The following LAMA2 variants were observed in gnomAD, a reference collection of about 807,000 sequenced individuals.
LAMA2 encodes the protein laminin subunit alpha 2.
Under a neutral mutation model 364.8 loss-of-function variants are expected in LAMA2, and 269 were observed. The observed-to-expected ratio is 0.74, with a 90% CI of 0.67 to 0.82. LAMA2 has a LOEUF of 0.82. Ranked by LOEUF, LAMA2 falls within the 40% of genes least tolerant of loss-of-function variation. The pLI is 0.00. For synonymous variants in LAMA2, 1,379 were observed against 1,370.6 expected (o/e 1.01, Z -0.14); for missense variants, 3,807 against 3,873.2 (o/e 0.98, Z 0.45).
At chr6:129,376,827 A>G (rs1292579661) in intron 34 of LAMA2, among the ~76,000 whole-genome samples, 1 of 152,222 alleles carries the variant, frequency 6.6e-6, no homozygotes, top group Non-Finnish European at 1.5e-5. Context: ...GTTTGTAGTT[A>G]TAAATTTATC....
Position 129,068,033 on chromosome 6 carries a change from AT to A in LAMA2, c.396+8144del, listed in dbSNP as rs537196949. ...TTGAATATTTATCTTTCTAAATGCA[AT>A]TTTTTTGTGCGTGGAGCTATTTGTT... On this transcript the variant is annotated intron_variant, in intron 3 of 64. Coordinates refer to ENST00000421865, the MANE Select transcript of LAMA2 (RefSeq NM_000426.4). 2.0e-5 allele frequency among the ~76,000 whole-genome samples: 3 copies of A among 152,080 alleles called. No individual in the cohort carries two copies. In the East Asian group the frequency reaches 5.8e-4, roughly 29 times the overall value.
At chr6:129,094,674 T>C (rs1775062777) in intron 3 of LAMA2, among the ~76,000 whole-genome samples, 1 of 152,214 alleles carries the variant, frequency 6.6e-6, no homozygotes, top group South Asian at 2.1e-4. Context: ...ATCTCTCTTT[T>C]TGTTTTATAT....
At chr6:129,115,563 A>C (rs146525120) in intron 4 of LAMA2, among the ~76,000 whole-genome samples, 1 of 152,116 alleles carries the variant, frequency 6.6e-6, no homozygotes, top group Non-Finnish European at 1.5e-5. Flanking sequence ...TAAATTCCTT[A>C]GGAAACACAA....
At chr6:129,392,507 C>T (rs1008545916) in intron 36 of LAMA2, among the ~76,000 whole-genome samples, 1 of 152,006 alleles carries the variant, frequency 6.6e-6, no homozygotes, top group Non-Finnish European at 1.5e-5. Context: ...CTTAATGACT[C>T]GAAAATTATC....
chr6:128,942,265 A>G (rs1221604379), intron 1 of LAMA2, among the ~76,000 whole-genome samples: 1 of 152,122 alleles, frequency 6.6e-6, no homozygotes, highest in African/African-American at 2.4e-5. Flanking sequence ...ACTTGAAAAA[A>G]AAATCTCTAT....
intron 35 of LAMA2, among the ~76,000 whole-genome samples, chr6:129,388,721 GA>G (rs1359358699): frequency 6.6e-6 from 1 of 151,690 alleles, no homozygotes; most frequent in Non-Finnish European, 1.5e-5. Flanking sequence ...ATTTAACAAA[GA>G]AAAAACATAC....
intron 12 of LAMA2, among the ~76,000 whole-genome samples, chr6:129,223,431 C>G (rs1451045098): frequency 1.3e-5 from 2 of 152,106 alleles, no homozygotes; most frequent in Admixed American, 6.6e-5. Context: ...CCTATGTCCT[C>G]AATGGTATTG....
At position 129,516,526 on chromosome 6, in the gene LAMA2, CAA is replaced by C. The variant is rs1787098252; in HGVS notation, c.*180_*181del. 1.7e-6 allele frequency: 1 copy of C among 584,842 alleles called. No homozygotes were observed. The highest frequency in any genetic ancestry group is 3.0e-6 in the Non-Finnish European group (1 of 336,216). The allele number at this position is 584,842 out of a possible 1,614,324, so 36.2% of individuals were successfully genotyped here. On this transcript the variant is annotated 3_prime_UTR_variant, in exon 65 of 65. Coordinates refer to ENST00000421865, the MANE Select transcript of LAMA2 (RefSeq NM_000426.4). The stretch of plus-strand genomic sequence containing the variant: ...CTGAATTTTAATTCAAGTTCTTTCT[CAA>C]GTCTATAAATAATATTAAACTGATT...
At chr6:129,156,423 A>G (rs67540753) in intron 8 of LAMA2, among the ~76,000 whole-genome samples, 33,349 of 151,604 alleles carry the variant, frequency 0.22, 4,206 homozygotes, top group African/African-American at 0.34. Context: ...TTTGCTTTGC[A>G]TGACTGTAAA....
At chr6:129,477,810 A>T (rs1784147358) in intron 53 of LAMA2, among the ~76,000 whole-genome samples, 1 of 152,108 alleles carries the variant, frequency 6.6e-6, no homozygotes, top group African/African-American at 2.4e-5. Flanking sequence ...TGAGACAGGG[A>T]TCTCACTCTG....
intron 3 of LAMA2, among the ~76,000 whole-genome samples, chr6:129,076,822 A>G (rs1773693771): frequency 6.6e-6 from 1 of 152,060 alleles, no homozygotes; most frequent in Non-Finnish European, 1.5e-5. Flanking sequence ...GTGGATTTTG[A>G]GTCAAATTTT....
rs193195850 is a variant in LAMA2, at chr6:129,189,529, G to A, written c.1468-676G>A. 2.0e-5 allele frequency among the ~76,000 whole-genome samples: 3 copies of A among 152,206 alleles called. No individual in the cohort carries two copies. The East Asian group carries it at 5.8e-4, about 29-fold the overall frequency. On this transcript the variant is annotated intron_variant, in intron 10 of 64. Coordinates refer to ENST00000421865, the MANE Select transcript of LAMA2 (RefSeq NM_000426.4). ...ATTAATGAAACCAGTCTGGAGAGCA[G>A]TCACAGAATGAGAATAGATCTTTCC...
At chr6:129,314,398 C>CAAAAAAAAAAAAAAAAAAAAAAAAAAAAA (rs3062342) in intron 23 of LAMA2, among the ~76,000 whole-genome samples, 16 of 81,850 alleles carry the variant, frequency 2.0e-4, no homozygotes, top group South Asian at 5.2e-4. Flanking sequence ...GACTCCGTCT[C>CAAAAAAAAAAAAAAAAAAAAAAAAAAAAA]AAAAAAAAAA....
At chr6:129,343,149 C>T (rs1010910788) in intron 30 of LAMA2, among the ~76,000 whole-genome samples, 1 of 152,106 alleles carries the variant, frequency 6.6e-6, no homozygotes, top group Non-Finnish European at 1.5e-5. Flanking sequence ...GCCCACACTA[C>T]CTGCACTTTC....
intron 3 of LAMA2, among the ~76,000 whole-genome samples, chr6:129,079,459 A>C (rs927956802): frequency 6.6e-6 from 1 of 151,674 alleles, no homozygotes; most frequent in African/African-American, 2.4e-5. Flanking sequence ...GAACCACTAT[A>C]TTGTTTTCCA....
chr6:128,964,684 A>G (rs571462301), intron 1 of LAMA2, among the ~76,000 whole-genome samples: 2 of 152,206 alleles, frequency 1.3e-5, no homozygotes, highest in African/African-American at 4.8e-5. Context: ...AATGTTTCAC[A>G]GATGTATCAC....
At chr6:129,050,193 C>T (rs1787901112) in intron 2 of LAMA2, 105 bp downstream of exon 2, 4 of 1,147,108 alleles carry the variant, frequency 3.5e-6, no homozygotes, top group Non-Finnish European at 5.1e-6. Context: ...ACTAAGAATT[C>T]CTAGAATTCT....
chr6:129,288,950 C>A (rs1394665624), intron 19 of LAMA2, among the ~76,000 whole-genome samples: 1 of 152,132 alleles, frequency 6.6e-6, no homozygotes, highest in Non-Finnish European at 1.5e-5. Flanking sequence ...AGGTGGGTCC[C>A]AGGACATGCA....
chr6:129,190,126 T>C, intron 10 of LAMA2, 79 bp from the exon 11 acceptor site: 1 of 1,362,990 alleles, frequency 7.3e-7, no homozygotes, highest in Admixed American at 1.7e-5. Context: ...GTACAGTTAA[T>C]ATTTTCCTTA....
Sources: gnomAD v4.1 joint callset for allele counts (sites outside exome capture counted in the v4.1 genomes callset) on GRCh38, gnomAD v4.1.1 for gene constraint, MANE v1.5 for transcripts, NCBI Gene and HGNC (gene_info 2026-07-23, HGNC 2026-07-21) for gene names.